Variants in CHID1 observed in about 807,000 individuals in gnomAD.
CHID1 encodes the protein chitinase domain containing 1.
CHID1 carries 44 observed loss-of-function variants against 55.4 expected under a neutral mutation model. The observed-to-expected ratio is 0.79, with a 90% CI of 0.62 to 1.02. The LOEUF (loss-of-function observed/expected upper bound fraction) is 1.02, where lower values mean the gene tolerates loss of function less well. Ranked by LOEUF, CHID1 falls within the 50% of genes least tolerant of loss-of-function variation. The pLI, the probability that CHID1 is intolerant of heterozygous loss-of-function variation, is 0.00. For synonymous variants in CHID1, 216 were observed against 212.9 expected (o/e 1.01, Z -0.13); for missense variants, 491 against 515.3 (o/e 0.95, Z 0.46).
At position 904,706 on chromosome 11, in the gene CHID1, C is replaced by T; in HGVS notation, c.111G>A (p.Lys37=). The T allele has an allele frequency of 6.2e-7, 1 of 1,614,112 alleles. No individual in the cohort carries two copies. The highest frequency in any genetic ancestry group is 1.1e-5 in the South Asian group (1 of 91,084). The stretch of plus-strand genomic sequence containing the variant: ...CCTCAAGTCCCCAGGCCACCCTTAC[C>T]TTCTCCAGCAGCGTCTTTGAGGCGG... ...KKAASKTLLE[K]SQFSDKPVQD... Residue 37 remains lysine (K), a splice_region_variant and synonymous_variant, in exon 2 of 13, where the codon AAG becomes AAA. Transcript: ENST00000323578.
At chr11:912,819 C>G (rs917582182), upstream of CHID1, among the ~76,000 whole-genome samples, 1 of 142,718 alleles carries the variant, frequency 7.0e-6, no homozygotes, top group Non-Finnish European at 1.5e-5. Context: ...GCCTGGGCGA[C>G]AGAGTGAGAC....
intron 7 of CHID1, 63 bp from the exon 8 acceptor site, chr11:893,582 G>A (rs939061392): frequency 1.5e-6 from 2 of 1,305,886 alleles, no homozygotes; most frequent in Non-Finnish European, 2.1e-6. Context: ...AGGGTTCTGT[G>A]ACACCCGCTG....
intron 3 of CHID1, 150 bp downstream of exon 3, chr11:902,812 C>G: frequency 1.4e-6 from 1 of 717,430 alleles, no homozygotes. Flanking sequence ...AGAATGGCAT[C>G]TCTCCCACCG....
At chr11:912,978 G>T (rs1465888076), upstream of CHID1, among the ~76,000 whole-genome samples, 2 of 152,184 alleles carry the variant, frequency 1.3e-5, no homozygotes, top group African/African-American at 2.4e-5. Flanking sequence ...TGTATTAAGT[G>T]AAACTTGAAC....
intron 8 of CHID1, among the ~76,000 whole-genome samples, chr11:885,976 G>A (rs1302166500): frequency 2.0e-5 from 3 of 151,850 alleles, no homozygotes; most frequent in African/African-American, 7.3e-5. Flanking sequence ...GTGAAACCCC[G>A]TCTCTACTAA....
In CHID1 at chr11:900,364, C is replaced by A. The variant is rs183389491; in HGVS notation, c.440-254G>T. Among the ~76,000 whole-genome samples, 1,036 of 152,278 alleles carry A rather than the reference C, an allele frequency of 6.8e-3. 3 individuals carry two copies. Among genetic ancestry groups the A allele is most frequent in the Non-Finnish European group, 0.012 (840 of 68,018 alleles). ...TCCTGGTCCCCTGACACCAGCTCCC[C>A]ACACGGCTCAGCATGGTTGTGGCCC... is the stretch of plus-strand genomic sequence containing the variant. On this transcript the variant is annotated intron_variant, in intron 5 of 12. Transcript: ENST00000323578.
At chr11:884,447 G>A (rs1350695129) in intron 8 of CHID1, among the ~76,000 whole-genome samples, 2 of 152,174 alleles carry the variant, frequency 1.3e-5, no homozygotes, top group African/African-American at 4.8e-5. Context: ...CTGGGCCAGG[G>A]CTGCCCATGG....
At chr11:877,957 C>T (rs1273122937) in intron 10 of CHID1, among the ~76,000 whole-genome samples, 3 of 152,186 alleles carry the variant, frequency 2.0e-5, no homozygotes, top group Non-Finnish European at 4.4e-5. Flanking sequence ...AGTGGGTGAC[C>T]ATGGGCATGG....
At chr11:901,088 G>A in intron 4 of CHID1, 108 bp from the exon 5 acceptor site, 3 of 964,862 alleles carry the variant, frequency 3.1e-6, no homozygotes, top group South Asian at 1.7e-5. Flanking sequence ...AATGGGAAGG[G>A]CAGGGGCGGG....
At position 870,437 on chromosome 11, in the gene CHID1, T is replaced by C; in HGVS notation, c.1022A>G (p.His341Arg). Residue 341 changes from histidine to arginine, a missense_variant, in exon 11 of 13, where the codon CAC becomes CGC. His to Arg is a conservative substitution (Grantham distance 29, BLOSUM62 0). Coordinates refer to ENST00000323578, the MANE Select transcript of CHID1 (RefSeq NM_023947.4). Reference sequence around the variant, plus strand: ...CACTCACTTCTTGTACTCGAAGAAGTGCTCTGAGGCCTGGCTGTCCCACAC... The same window carrying C: ...CACTCACTTCTTGTACTCGAAGAAGCGCTCTGAGGCCTGGCTGTCCCACAC... ...RMVWDSQASE[H>R]FFEYKKSRSG... 1 of 1,611,852 alleles carries C rather than the reference T, an allele frequency of 6.2e-7. No homozygotes were observed. The highest frequency in any genetic ancestry group is 8.5e-7 in the Non-Finnish European group (1 of 1,178,986).
At chr11:896,689 T>C (rs1380942318) in intron 7 of CHID1, among the ~76,000 whole-genome samples, 300 of 43,386 alleles carry the variant, frequency 6.9e-3, no homozygotes, top group Middle Eastern at 0.021. Context: ...ACCCCAGACA[T>C]GAGGCTGTCT....
At chr11:899,815 G>A (rs965077024) in intron 6 of CHID1, among the ~76,000 whole-genome samples, 189 bp downstream of exon 6, 1 of 152,238 alleles carries the variant, frequency 6.6e-6, no homozygotes, top group Non-Finnish European at 1.5e-5. Context: ...GAGGACCCAT[G>A]GTCAAGAAAG....
rs953331675 is a variant in CHID1 at position 908,559 on chromosome 11, G to T, written c.-44+2216C>A. The T allele has an allele frequency of 1.0e-5, 10 of 985,116 alleles. No homozygotes were observed. The South Asian group carries it at 3.8e-4, about 37-fold the overall frequency. 61.0% of individuals were successfully genotyped at this position (985,116 alleles called of 1,614,324 possible). On this transcript the variant is annotated intron_variant, in intron 1 of 12. Transcript: ENST00000323578. ...TCACTTGCCTGGCCAGGCTGAAACG[G>T]TGGCTGCCTCAGCTCCCAGGCACCC...
chr11:907,577 T>C (rs1334072483), intron 1 of CHID1, among the ~76,000 whole-genome samples: 1 of 152,166 alleles, frequency 6.6e-6, no homozygotes, highest in East Asian at 1.9e-4. Flanking sequence ...GCCAGACTGT[T>C]AGTCCTTCAT....
At chr11:893,623 C>A in intron 7 of CHID1, 104 bp from the exon 8 acceptor site, 1 of 869,470 alleles carries the variant, frequency 1.2e-6, no homozygotes, top group Non-Finnish European at 1.8e-6. Context: ...GGTCCCCAGC[C>A]TGACACCCTG....
At position 883,275 on chromosome 11, in the gene CHID1, C is replaced by T. The variant is rs376968788; in HGVS notation, c.832G>A (p.Val278Ile). The T allele has an allele frequency of 3.7e-5, 59 of 1,613,926 alleles. No individual in the cohort carries two copies. The highest frequency in any genetic ancestry group is 1.6e-4 in the Middle Eastern group (1 of 6,082). Residue 278 changes from valine to isoleucine, a missense_variant, in exon 10 of 13, where the codon GTT becomes ATT. Physicochemically the swap from Val to Ile is conservative, Grantham distance 29. Coordinates refer to ENST00000323578, the MANE Select transcript of CHID1 (RefSeq NM_023947.4). ...TCCAGGACCTGGACGCAGGCTCGAA[C>T]CCAGGACAGGGGTGCATTAGGGCCA... ...QPGPNAPLSW[V>I]RACVQVLDPK...
chr11:914,415 G>A (rs184939511), upstream of CHID1: 10 of 747,822 alleles, frequency 1.3e-5, no homozygotes, highest in East Asian at 6.0e-4. Flanking sequence ...CCGTGGGCAT[G>A]GGGGGGACAG....
intron 5 of CHID1, among the ~76,000 whole-genome samples, chr11:900,346 C>G (rs1440604129): frequency 1.3e-5 from 2 of 152,116 alleles, no homozygotes; most frequent in African/African-American, 4.8e-5. Flanking sequence ...CAGTCCTGGT[C>G]CCCTGACACC....
chr11:914,693 A>G, upstream of CHID1: 1 of 480,422 alleles, frequency 2.1e-6, no homozygotes, highest in Non-Finnish European at 3.5e-6. Flanking sequence ...GCTGCACTCC[A>G]GCCTGGGCGA....
Sources: gnomAD v4.1 joint callset for allele counts (sites outside exome capture counted in the v4.1 genomes callset) on GRCh38, gnomAD v4.1.1 for gene constraint, MANE v1.5 for transcripts, NCBI Gene and HGNC (gene_info 2026-07-23, HGNC 2026-07-21) for gene names.